The following XIRP2 variants were observed in gnomAD, a reference collection of about 807,000 sequenced individuals.
XIRP2 encodes xin actin-binding repeat-containing protein 2.
A neutral mutation model predicts 277.0 loss-of-function variants in XIRP2; 236 were observed. The observed-to-expected ratio is 0.85, with a 90% CI of 0.77 to 0.95. XIRP2 has a LOEUF of 0.95. XIRP2 is among the 40% of genes least tolerant of loss of function. XIRP2 has a pLI of 0.00. For missense variants in XIRP2, 4,640 were observed against 4,157.5 expected, an observed-to-expected ratio of 1.12 and a Z score of -3.19; for synonymous variants, 1,490 against 1,416.5, an observed-to-expected ratio of 1.05 and a Z score of -1.17.
At chr2:166,905,711 A>T (rs991537147) in intron 2 of XIRP2, among the ~76,000 whole-genome samples, 1 of 151,946 alleles carries the variant, frequency 6.6e-6, no homozygotes, top group East Asian at 1.9e-4. Context: ...TTCACAAAAA[A>T]AGTGTTAGGA....
intron 2 of XIRP2, among the ~76,000 whole-genome samples, chr2:167,030,387 G>T (rs1338988945): frequency 6.6e-6 from 1 of 152,014 alleles, no homozygotes; most frequent in Admixed American, 6.6e-5. Flanking sequence ...TGCTTTATCT[G>T]GGCCGTAGAT....
intron 3 of XIRP2, among the ~76,000 whole-genome samples, chr2:167,145,079 T>A (rs1005906117): frequency 1.3e-5 from 2 of 152,174 alleles, no homozygotes; most frequent in Non-Finnish European, 2.9e-5. Flanking sequence ...GCTTATGCCA[T>A]GCCAAAGAAT....
chr2:167,094,871 G>T (rs541603738), intron 2 of XIRP2, among the ~76,000 whole-genome samples: 1 of 152,278 alleles, frequency 6.6e-6, no homozygotes, highest in Admixed American at 6.5e-5. Flanking sequence ...ATTGTAGCTT[G>T]ATGGGGATAG....
At chr2:166,918,023 T>G (rs914541096) in intron 2 of XIRP2, among the ~76,000 whole-genome samples, 3 of 152,210 alleles carry the variant, frequency 2.0e-5, no homozygotes, top group African/African-American at 7.2e-5. Flanking sequence ...TGATGTTTTT[T>G]CATGGTTACA....
At chr2:167,095,479 A>G (rs1450741465) in intron 2 of XIRP2, among the ~76,000 whole-genome samples, 1 of 152,112 alleles carries the variant, frequency 6.6e-6, no homozygotes, top group African/African-American at 2.4e-5. Context: ...TTATTTTGAG[A>G]TACATTTCAT....
chr2:167,190,155 G>T (rs1452718693), intron 3 of XIRP2, among the ~76,000 whole-genome samples: 1 of 152,196 alleles, frequency 6.6e-6, no homozygotes, highest in East Asian at 1.9e-4. Flanking sequence ...GCACTTGGAT[G>T]TGTTCACCAG....
intron 2 of XIRP2, among the ~76,000 whole-genome samples, chr2:167,028,540 A>G (rs1382613789): frequency 6.6e-6 from 1 of 152,020 alleles, no homozygotes; most frequent in African/African-American, 2.4e-5. Context: ...AGTGACCAAA[A>G]CTTAGATCAA....
chr2:166,951,185 A>G (rs1420134430), intron 2 of XIRP2, among the ~76,000 whole-genome samples: 1 of 152,080 alleles, frequency 6.6e-6, no homozygotes, highest in Non-Finnish European at 1.5e-5. Flanking sequence ...ATAATTAGTT[A>G]AGCTTGTATA....
chr2:167,141,932 G>T (rs16853024), intron 3 of XIRP2, among the ~76,000 whole-genome samples: 1 of 152,058 alleles, frequency 6.6e-6, no homozygotes, highest in Admixed American at 6.6e-5. Flanking sequence ...CCTAAGGTTT[G>T]AGGCAGAATA....
chr2:166,966,298 C>T (rs1686431306), intron 2 of XIRP2, among the ~76,000 whole-genome samples: 1 of 151,624 alleles, frequency 6.6e-6, no homozygotes, highest in African/African-American at 2.4e-5. Flanking sequence ...TATTTGAAAA[C>T]CAAATCACTA....
intron 5 of XIRP2, among the ~76,000 whole-genome samples, chr2:167,221,525 T>A (rs1694430786): frequency 6.6e-6 from 1 of 151,596 alleles, no homozygotes; most frequent in Non-Finnish European, 1.5e-5. Context: ...TGGCCTTAAT[T>A]TGTAATCCTT....
intron 5 of XIRP2, among the ~76,000 whole-genome samples, chr2:167,234,167 T>G (rs538124770): frequency 1.1e-4 from 16 of 151,654 alleles, no homozygotes; most frequent in Middle Eastern, 3.4e-3. Flanking sequence ...AATTTTGTAC[T>G]TTTAAGCCAA....
intron 2 of XIRP2, among the ~76,000 whole-genome samples, chr2:166,938,469 A>T (rs1252038256): frequency 1.3e-5 from 2 of 152,214 alleles, no homozygotes; most frequent in African/African-American, 4.8e-5. Context: ...ACAGTTGATT[A>T]TAATTTCTGT....
chr2:167,119,627 G>A (rs1272196710), intron 2 of XIRP2, among the ~76,000 whole-genome samples: 1 of 152,154 alleles, frequency 6.6e-6, no homozygotes. Flanking sequence ...AAAGTTTCTG[G>A]CATTTGATAG....
intron 2 of XIRP2, among the ~76,000 whole-genome samples, chr2:167,023,623 A>G (rs373217543): frequency 1.3e-5 from 2 of 152,160 alleles, no homozygotes; most frequent in East Asian, 1.9e-4. Context: ...ATCTTGAATT[A>G]ATTTTTGTAT....
rs1416393261 is a variant in XIRP2 at position 167,244,886 on chromosome 2, C to A, written c.3494C>A (p.Ala1165Glu). Residue 1165 changes from alanine to glutamate, a missense_variant, in exon 9 of 11, where the codon GCA (alanine) becomes GAA (glutamate). Physicochemically the swap from Ala to Glu is moderately radical, Grantham distance 107. Coordinates refer to ENST00000409195, the MANE Select transcript of XIRP2 (RefSeq NM_152381.6). ...EEIQGGDVRTACFLFETENLD... is the reference protein window; with the variant it reads ...EEIQGGDVRTECFLFETENLD... ...ATCCAAGGTGGGGATGTTCGTACAG[C>A]ATGTTTTCTTTTTGAGACAGAAAAT... The A allele has an allele frequency of 6.2e-7, 1 of 1,613,006 alleles. No individual in the cohort carries two copies. The highest frequency in any genetic ancestry group is 1.1e-5 in the South Asian group (1 of 90,898).
intron 2 of XIRP2, among the ~76,000 whole-genome samples, chr2:167,109,817 C>T (rs2105293703): frequency 6.6e-6 from 1 of 152,224 alleles, no homozygotes; most frequent in African/African-American, 2.4e-5. Context: ...CCCTTTTCTC[C>T]ACTACCTCAT....
chr2:167,125,266 A>G (rs2105308113), intron 2 of XIRP2, among the ~76,000 whole-genome samples: 1 of 152,316 alleles, frequency 6.6e-6, no homozygotes, highest in Admixed American at 6.5e-5. Context: ...AGTACCTGCC[A>G]TGTAAAAGGC....
At chr2:167,116,740 AT>A (rs1690906789) in intron 2 of XIRP2, among the ~76,000 whole-genome samples, 1 of 152,186 alleles carries the variant, frequency 6.6e-6, no homozygotes, top group African/African-American at 2.4e-5. Context: ...ATGTAATTAC[AT>A]TTAAAAAGAT....
Sources: gnomAD v4.1 joint callset for allele counts (sites outside exome capture counted in the v4.1 genomes callset) on GRCh38, gnomAD v4.1.1 for gene constraint, MANE v1.5 for transcripts, NCBI Gene and HGNC (gene_info 2026-07-23, HGNC 2026-07-21) for gene names.